The following GRIA3 variants were observed in gnomAD, a reference collection of about 807,000 sequenced individuals.
GRIA3 encodes the protein glutamate receptor 3.
Under a neutral mutation model 63.0 loss-of-function variants are expected in GRIA3, and 3 were observed. The ratio of observed to expected loss-of-function variants is 0.05; its 90% confidence interval spans 0.02 to 0.12. The LOEUF is 0.12. GRIA3 is among the 10% of genes least tolerant of loss of function. The pLI is 1.00. For synonymous variants in GRIA3, 274 were observed against 257.9 expected, an observed-to-expected ratio of 1.06 and a Z score of -0.60; for missense variants, 347 against 700.9, an observed-to-expected ratio of 0.50 and a Z score of 5.70.
chrX:123,368,780 C>CAAAA (rs58125026), intron 5 of GRIA3, among the ~76,000 whole-genome samples: 6 of 86,076 alleles, frequency 7.0e-5, no homozygotes, highest in African/African-American at 2.5e-4. Flanking sequence ...GATCATAATA[C>CAAAA]AAAAAAAAAA....
chrX:123,212,169 G>C (rs1458962394), intron 2 of GRIA3, among the ~76,000 whole-genome samples: 2 of 111,678 alleles, frequency 1.8e-5, no homozygotes, highest in African/African-American at 6.5e-5. Flanking sequence ...GGAATGACAG[G>C]ACCATGAAAG....
chrX:123,479,405 A>G (rs999975721), intron 13 of GRIA3, among the ~76,000 whole-genome samples: 3 of 111,843 alleles, frequency 2.7e-5, no homozygotes, highest in Non-Finnish European at 5.6e-5. Context: ...TCCACAATAT[A>G]CCTTTAATAC....
chrX:123,315,713 A>C (rs2044826520), intron 3 of GRIA3, among the ~76,000 whole-genome samples: 1 of 111,711 alleles, frequency 9.0e-6, no homozygotes, highest in South Asian at 3.7e-4. Flanking sequence ...CTGTCTCAGA[A>C]ACCACCTTCA....
At chrX:123,460,713 G>C (rs1388691975) in intron 12 of GRIA3, among the ~76,000 whole-genome samples, 1 of 111,492 alleles carries the variant, frequency 9.0e-6, no homozygotes, top group Non-Finnish European at 1.9e-5. Context: ...AGGTACACAG[G>C]TGTTTTTACA....
rs140552534 is a variant in GRIA3 at position 123,226,720 on chromosome X, T to A, written c.269-26583T>A. On this transcript the variant is annotated intron_variant, in intron 2 of 15. Transcript: ENST00000620443. ...GATAATAACCTCAATCTTCATGATA[T>A]TAAAACATAATAATTAAAAGGCAGA... 5.7e-3 allele frequency among the ~76,000 whole-genome samples: 634 copies of A among 111,782 alleles called. 3 individuals are homozygous for A. The highest frequency in any genetic ancestry group is 0.019 in the African/African-American group (595 of 30,811).
chrX:123,274,058 C>A (rs1459637535), intron 3 of GRIA3, among the ~76,000 whole-genome samples: 1 of 111,997 alleles, frequency 8.9e-6, no homozygotes, highest in Non-Finnish European at 1.9e-5. Flanking sequence ...ACTTATGCTA[C>A]CTAAGTGACC....
intron 13 of GRIA3, among the ~76,000 whole-genome samples, chrX:123,469,086 A>G (rs1443734594): frequency 8.9e-6 from 1 of 112,620 alleles, no homozygotes; most frequent in East Asian, 2.8e-4. Flanking sequence ...GATTACTAAA[A>G]ATGACAATAA....
intron 2 of GRIA3, among the ~76,000 whole-genome samples, chrX:123,195,388 G>A (rs1428918761): frequency 1.8e-5 from 2 of 112,099 alleles, no homozygotes; most frequent in Non-Finnish European, 3.8e-5. Flanking sequence ...CTAGCTCAAG[G>A]TCCCACAACT....
intron 5 of GRIA3, among the ~76,000 whole-genome samples, chrX:123,384,242 T>C (rs746171744): frequency 7.1e-5 from 8 of 112,353 alleles, no homozygotes; most frequent in African/African-American, 2.6e-4. Context: ...CTGGGTCTAA[T>C]GGTAGTTCTG....
intron 2 of GRIA3, among the ~76,000 whole-genome samples, chrX:123,186,993 C>T (rs1927295951): frequency 8.9e-6 from 1 of 112,345 alleles, no homozygotes; most frequent in African/African-American, 3.2e-5. Flanking sequence ...ACTGAGAATA[C>T]TTCATGTAAG....
rs2045454815 is a variant in GRIA3, at chrX:123,403,572, T to C, written c.1293+53T>C. 3 of 735,445 alleles carry C rather than the reference T, an allele frequency of 4.1e-6. No homozygotes were observed. The Admixed American group carries it at 6.7e-5, about 16-fold the overall frequency. The allele number at this position is 735,445 out of a possible 1,213,427, so 60.6% of individuals were successfully genotyped here. A position where few individuals can be genotyped will look rare whatever the true frequency, so the allele number is the denominator to read the frequency against. On this transcript the variant is annotated intron_variant, in intron 9 of 15. Transcript: ENST00000620443. ...TTTCTGTCCAGCAAGACTTCCGTTT[T>C]CTGAAAAGTATTTTTCCACCAGTAG...
chrX:123,345,467 CACACA>C (rs2045041058), intron 4 of GRIA3, among the ~76,000 whole-genome samples: 1 of 107,049 alleles, frequency 9.3e-6, no homozygotes, highest in Non-Finnish European at 1.9e-5. Context: ...CACACACACA[CACACA>C]CACACACACA....
At chrX:123,196,976 T>C (rs1001904544) in intron 2 of GRIA3, among the ~76,000 whole-genome samples, 1 of 112,293 alleles carries the variant, frequency 8.9e-6, no homozygotes, top group Non-Finnish European at 1.9e-5. Context: ...TGAAGTCTTA[T>C]GAAATAAACT....
At chrX:123,453,476 C>T (rs1400987180) in intron 12 of GRIA3, among the ~76,000 whole-genome samples, 2 of 110,940 alleles carry the variant, frequency 1.8e-5, no homozygotes, top group African/African-American at 6.6e-5. Context: ...ACCAACATGG[C>T]ACATGTATAC....
At chrX:123,362,728 G>A (rs866671178) in intron 5 of GRIA3, among the ~76,000 whole-genome samples, 1 of 89,927 alleles carries the variant, frequency 1.1e-5, no homozygotes, top group Non-Finnish European at 2.2e-5. Flanking sequence ...AAAAAAAAAA[G>A]AGAGAGAGAG....
At chrX:123,325,101 A>T (rs188267739) in intron 3 of GRIA3, among the ~76,000 whole-genome samples, 2 of 112,366 alleles carry the variant, frequency 1.8e-5, no homozygotes, top group East Asian at 5.6e-4. Context: ...CAATAAAATT[A>T]TATCTATAGT....
In GRIA3 at chrX:123,184,663, GC is replaced by G. The variant is rs1927200642; in HGVS notation, c.109+21del. 2 of 1,094,212 alleles carry G rather than the reference GC, an allele frequency of 1.8e-6. No homozygotes were observed. Among genetic ancestry groups the G allele is most frequent in the Non-Finnish European group, 1.3e-6 (1 of 788,982 alleles). 90.2% of individuals were successfully genotyped at this position (1,094,212 alleles called of 1,213,427 possible). On this transcript the variant is annotated intron_variant, in intron 1 of 15. Transcript: ENST00000620443. The stretch of plus-strand genomic sequence containing the variant: ...AGCATAGGTAAGCGCAAGCGAGCCA[GC>G]CGTCGGTCCAGGCTCTCCCTCACCC...
chrX:123,395,239 G>C (rs2045407503), intron 6 of GRIA3, 110 bp downstream of exon 6: 2 of 696,977 alleles, frequency 2.9e-6, no homozygotes, highest in Admixed American at 4.8e-5. Flanking sequence ...CCTCAGAAGT[G>C]ATTCAAAGAT....
At chrX:123,214,702 A>G (rs1928117319) in intron 2 of GRIA3, among the ~76,000 whole-genome samples, 1 of 112,297 alleles carries the variant, frequency 8.9e-6, no homozygotes, top group African/African-American at 3.2e-5. Flanking sequence ...ACATGAACCT[A>G]TTAAGGACTG....
Sources: gnomAD v4.1 joint callset for allele counts (sites outside exome capture counted in the v4.1 genomes callset) on GRCh38, gnomAD v4.1.1 for gene constraint, MANE v1.5 for transcripts, NCBI Gene and HGNC (gene_info 2026-07-23, HGNC 2026-07-21) for gene names.